The following PLA2G2C variants were observed in gnomAD, a reference collection of about 807,000 sequenced individuals.
PLA2G2C encodes the protein putative inactive group IIC secretory phospholipase A2.
A neutral mutation model predicts 14.3 loss-of-function variants in PLA2G2C; 15 were observed. The observed-to-expected ratio is 1.05, with a 90% CI of 0.70 to 1.62. PLA2G2C has a LOEUF of 1.62. PLA2G2C is among the 40% of genes most tolerant of loss of function. The pLI is 0.00. For missense variants in PLA2G2C, 162 were observed against 173.2 expected (o/e 0.94, Z 0.36); for synonymous variants, 79 against 67.7 (o/e 1.17, Z -0.82).
At position 20,164,044 on chromosome 1, in the gene PLA2G2C, A is replaced by G. The variant is rs1452671908; in HGVS notation, c.397T>C (p.Phe133Leu). 1 of 1,613,758 alleles carries G rather than the reference A, an allele frequency of 6.2e-7. No homozygotes were observed. Among genetic ancestry groups the G allele is most frequent in the Admixed American group, 1.7e-5 (1 of 60,002 alleles). The part of the protein sequence containing the change: ...KESLPTYEKN[F>L]KQFSSQPRCG... ...CTGGGCTGGCTGGAGAACTGCTTGA[A>G]GTTTTTCTCATAGGTGGGCAGGCTC... The change falls in exon 5 of 5, where the codon TTC becomes CTC. Residue 133 changes from phenylalanine (F) to leucine (L), a missense_variant. By Grantham distance (22) the Phe-to-Leu change is conservative. Coordinates refer to ENST00000679259, the MANE Select transcript of PLA2G2C (RefSeq NM_001367969.2).
chr1:20,167,215 C>G (rs1396158431), intron 4 of PLA2G2C, among the ~76,000 whole-genome samples: 3 of 152,136 alleles, frequency 2.0e-5, no homozygotes, highest in Admixed American at 2.0e-4. Flanking sequence ...CTGAATACTC[C>G]CAACTTCTCC....
intron 1 of PLA2G2C, among the ~76,000 whole-genome samples, chr1:20,178,345 G>A (rs377744324): frequency 6.6e-6 from 1 of 152,182 alleles, no homozygotes; most frequent in African/African-American, 2.4e-5. Context: ...ACAATAGCTC[G>A]GTTGAGCCTA....
chr1:20,184,199 A>ACACG (rs1553184796), intron 1 of PLA2G2C: 8 of 142,988 alleles, frequency 5.6e-5, no homozygotes, highest in East Asian at 2.1e-4. Context: ...GCGCACACGC[A>ACACG]CACACACACA....
At chr1:20,179,940 CCTCT>C (rs377372800) in intron 1 of PLA2G2C, among the ~76,000 whole-genome samples, 241 of 150,064 alleles carry the variant, frequency 1.6e-3, no homozygotes, top group African/African-American at 5.4e-3. Flanking sequence ...TCACCTTCTC[CCTCT>C]GTGTCAGCTT....
At chr1:20,183,226 C>T (rs1569940874) in intron 1 of PLA2G2C, among the ~76,000 whole-genome samples, 1 of 152,324 alleles carries the variant, frequency 6.6e-6, no homozygotes, top group Admixed American at 6.5e-5. Flanking sequence ...TCTAGAGATG[C>T]GGAAACTGAC....
intron 1 of PLA2G2C, among the ~76,000 whole-genome samples, chr1:20,179,306 G>A (rs1464222841): frequency 6.6e-6 from 1 of 150,924 alleles, no homozygotes; most frequent in East Asian, 2.0e-4. Flanking sequence ...GCGCGCACGT[G>A]CGTGCTAGCT....
chr1:20,172,908 G>A lies in PLA2G2C; in HGVS notation c.180-11C>T, dbSNP rs2100718117. The A allele has an allele frequency of 6.2e-7, 1 of 1,607,636 alleles. No individual in the cohort carries two copies. The highest frequency in any genetic ancestry group is 1.1e-5 in the South Asian group (1 of 90,818). On this transcript the variant is annotated splice_polypyrimidine_tract_variant and intron_variant, in intron 3 of 4. Coordinates refer to ENST00000679259, the MANE Select transcript of PLA2G2C (RefSeq NM_001367969.2). ...GATGAGGGGCTGTGCCTGGAAGTGG[G>A]TCCCTCAGGAATCTGCTGGAGGACC...
intron 4 of PLA2G2C, among the ~76,000 whole-genome samples, chr1:20,164,793 C>T (rs1012137602): frequency 3.9e-5 from 6 of 152,248 alleles, no homozygotes; most frequent in Admixed American, 6.5e-5. Context: ...TGCCCCCGCT[C>T]CTTCCACATT....
Position 20,163,815 on chromosome 1 carries a change from T to C in PLA2G2C, c.*176A>G. 1 of 687,208 alleles carries C rather than the reference T, an allele frequency of 1.5e-6. No homozygotes were observed. The highest frequency in any genetic ancestry group is 2.9e-5 in the East Asian group (1 of 34,972). The allele number at this position is 687,208 out of a possible 1,614,324, so 42.6% of individuals were successfully genotyped here. On this transcript the variant is annotated 3_prime_UTR_variant, in exon 5 of 5. Transcript: ENST00000679259. ...TTTCTGCTCTCCAGCCCTCTGATGCTGAACGACAGGGAGTCCCCTTGGTCA... is the reference window on the plus strand; with the variant it reads ...TTTCTGCTCTCCAGCCCTCTGATGCCGAACGACAGGGAGTCCCCTTGGTCA...
At chr1:20,169,729 C>T (rs945252322) in intron 4 of PLA2G2C, among the ~76,000 whole-genome samples, 1 of 152,164 alleles carries the variant, frequency 6.6e-6, no homozygotes, top group Non-Finnish European at 1.5e-5. Flanking sequence ...GAAGTACAGG[C>T]GATTCTCTCC....
intron 4 of PLA2G2C, among the ~76,000 whole-genome samples, chr1:20,165,812 T>C (rs578037112): frequency 4.2e-4 from 63 of 151,500 alleles, no homozygotes; most frequent in Middle Eastern, 3.4e-3. Flanking sequence ...TGTTTGTGCG[T>C]GTGTGTGTGT....
At chr1:20,170,509 A>C (rs1031604630) in intron 4 of PLA2G2C, among the ~76,000 whole-genome samples, 1 of 152,148 alleles carries the variant, frequency 6.6e-6, no homozygotes, top group Non-Finnish European at 1.5e-5. Flanking sequence ...GCGGGTACCC[A>C]GTGGATGCTC....
chr1:20,165,466 T>A (rs143187475), intron 4 of PLA2G2C, among the ~76,000 whole-genome samples: 10 of 152,292 alleles, frequency 6.6e-5, no homozygotes, highest in Non-Finnish European at 1.3e-4. Context: ...CTTGTCTAAG[T>A]CATCACAGTA....
At chr1:20,183,745 G>C (rs2018315360) in intron 1 of PLA2G2C, among the ~76,000 whole-genome samples, 1 of 152,342 alleles carries the variant, frequency 6.6e-6, no homozygotes, top group East Asian at 1.9e-4. Context: ...TCAAGGAAGA[G>C]AGCAGGGTGG....
chr1:20,165,266 G>GT (rs2017956246), intron 4 of PLA2G2C, among the ~76,000 whole-genome samples: 1 of 152,328 alleles, frequency 6.6e-6, no homozygotes, highest in Admixed American at 6.5e-5. Flanking sequence ...CCCTGCCACT[G>GT]TTTGAGGCTT....
At chr1:20,169,585 TA>T (rs1557785798) in intron 4 of PLA2G2C, among the ~76,000 whole-genome samples, 1 of 152,132 alleles carries the variant, frequency 6.6e-6, no homozygotes, top group Non-Finnish European at 1.5e-5. Flanking sequence ...CCCAGTGCCG[TA>T]AGCAAAGAGG....
At chr1:20,170,610 C>T (rs1240116503) in intron 4 of PLA2G2C, among the ~76,000 whole-genome samples, 2 of 152,130 alleles carry the variant, frequency 1.3e-5, no homozygotes, top group African/African-American at 2.4e-5. Context: ...ACCTCGCTCT[C>T]AGCCCTGCTC....
rs1557787083 is a variant in PLA2G2C, at chr1:20,172,865, T to G, written c.212A>C (p.Lys71Thr). 1 of 1,613,896 alleles carries G rather than the reference T, an allele frequency of 6.2e-7. No individual in the cohort carries two copies. Among genetic ancestry groups the G allele is most frequent in the Non-Finnish European group, 8.5e-7 (1 of 1,179,870 alleles). Residue 71 changes from lysine (K) to threonine (T), a missense_variant, in exon 4 of 5, where the codon AAG (lysine) becomes ACG (threonine). Lys to Thr is a moderately conservative substitution (Grantham distance 78, BLOSUM62 -1). Transcript: ENST00000679259. ...HSPSSPSPYE[K>T]LKEFSCQPVL... ...AGGCTGGCAGCTGAACTCCTTCAGC[T>G]TCTCGTAGGGAGAGGGAGATGAGGG...
At chr1:20,176,553 C>T (rs1402139885) in intron 2 of PLA2G2C, among the ~76,000 whole-genome samples, 1 of 152,236 alleles carries the variant, frequency 6.6e-6, no homozygotes, top group African/African-American at 2.4e-5. Flanking sequence ...AACCCATGGG[C>T]GGTCACTGCT....
Sources: allele counts gnomAD v4.1 joint callset (sites outside exome capture counted in the v4.1 genomes callset), GRCh38; gene constraint gnomAD v4.1.1; transcripts MANE v1.5; gene names NCBI Gene and HGNC (gene_info 2026-07-23, HGNC 2026-07-21).